Variants in ATP6V1H observed in about 807,000 individuals in gnomAD.
ATP6V1H encodes ATPase H+ transporting V1 subunit H.
ATP6V1H carries 39 observed loss-of-function variants against 71.7 expected under a neutral mutation model. The ratio of observed to expected loss-of-function variants is 0.54; its 90% CI spans 0.42 to 0.71. The LOEUF (loss-of-function observed/expected upper bound fraction) is 0.71, where lower values mean the gene tolerates loss of function less well. ATP6V1H is among the 30% of genes least tolerant of loss of function. ATP6V1H has a pLI of 0.00. For synonymous variants in ATP6V1H, 192 were observed against 199.3 expected (o/e 0.96, Z 0.31); for missense variants, 509 against 594.9 (o/e 0.86, Z 1.50).
Position 53,829,462 on chromosome 8 carries a change from CAT to C in ATP6V1H, c.286_287del (p.Met96GlyfsTer3). ...KEQTVQYILT[M>X]VDDMLQENHQ... is the part of the protein sequence containing the mutation. ...TACCTACCTGCAGCATATCATCCAC[CAT>C]AGTTAGTATATACTGAACGGTCTGT... On this transcript the variant is annotated frameshift_variant, in exon 4 of 14. Transcript: ENST00000359530. LOFTEE classifies it high-confidence loss of function. 6.2e-7 allele frequency: 1 copy of C among 1,604,612 alleles called. No homozygotes were observed. Among genetic ancestry groups the C allele is most frequent in the Non-Finnish European group, 8.5e-7 (1 of 1,175,612 alleles).
chr8:53,761,292 G>A (rs924097864), intron 11 of ATP6V1H, among the ~76,000 whole-genome samples: 23 of 151,072 alleles, frequency 1.5e-4, no homozygotes, highest in South Asian at 4.2e-4. Context: ...AGCCGAGATC[G>A]CGCCACTGCA....
At chr8:53,827,860 G>A (rs983337626) in intron 4 of ATP6V1H, among the ~76,000 whole-genome samples, 1 of 152,098 alleles carries the variant, frequency 6.6e-6, no homozygotes, top group Non-Finnish European at 1.5e-5. Context: ...AAAACATGTG[G>A]TATTTGGTGT....
intron 7 of ATP6V1H, among the ~76,000 whole-genome samples, chr8:53,803,202 T>G (rs1809971531): frequency 1.3e-5 from 2 of 152,044 alleles, no homozygotes; most frequent in South Asian, 4.1e-4. Context: ...CCAGGTGTGG[T>G]GGCGTGCACC....
At chr8:53,790,355 C>G (rs1299630141) in intron 9 of ATP6V1H, among the ~76,000 whole-genome samples, 1 of 152,074 alleles carries the variant, frequency 6.6e-6, no homozygotes, top group African/African-American at 2.4e-5. Flanking sequence ...CTATATGAAC[C>G]CAGTGTTCAC....
intron 12 of ATP6V1H, among the ~76,000 whole-genome samples, chr8:53,751,437 T>C (rs2130227785): frequency 6.6e-6 from 1 of 152,308 alleles, no homozygotes; most frequent in Non-Finnish European, 1.5e-5. Context: ...GTTGAAATAG[T>C]CCAAAGTGCA....
At chr8:53,789,592 A>T (rs1809504201) in intron 9 of ATP6V1H, among the ~76,000 whole-genome samples, 1 of 152,152 alleles carries the variant, frequency 6.6e-6, no homozygotes, top group African/African-American at 2.4e-5. Context: ...CTGAGAGGAA[A>T]AGATATAAGG....
intron 7 of ATP6V1H, among the ~76,000 whole-genome samples, 167 bp downstream of exon 7, chr8:53,810,997 C>T (rs1810256109): frequency 1.3e-5 from 2 of 152,076 alleles, no homozygotes; most frequent in South Asian, 4.1e-4. Context: ...AAGATGATCT[C>T]CACAGACCAT....
chr8:53,721,866 A>G (rs989359974), intron 13 of ATP6V1H, among the ~76,000 whole-genome samples: 1 of 152,254 alleles, frequency 6.6e-6, no homozygotes, highest in African/African-American at 2.4e-5. Context: ...GAATTCAAAG[A>G]CTAATAGATT....
intron 2 of ATP6V1H, chr8:53,839,484 G>T: frequency 1.9e-6 from 1 of 521,888 alleles, no homozygotes; most frequent in Non-Finnish European, 2.5e-6. Flanking sequence ...GAATCCAGAA[G>T]TCATCCAAGA....
intron 3 of ATP6V1H, chr8:53,831,877 G>C (rs1332939374): frequency 6.7e-6 from 1 of 149,220 alleles, no homozygotes; most frequent in African/African-American, 2.5e-5. Flanking sequence ...GGGATTACAA[G>C]TGTGAGCCAC....
intron 11 of ATP6V1H, among the ~76,000 whole-genome samples, chr8:53,765,674 G>A (rs1405452535): frequency 1.3e-5 from 2 of 152,114 alleles, no homozygotes; most frequent in Non-Finnish European, 2.9e-5. Context: ...CAAGTAGAAA[G>A]ACTCTATACT....
chr8:53,821,388 A>G (rs1366209810), intron 4 of ATP6V1H, among the ~76,000 whole-genome samples: 3 of 148,444 alleles, frequency 2.0e-5, no homozygotes, highest in African/African-American at 7.6e-5. Context: ...AAAAAAAAAA[A>G]GAGAGAGAGA....
intron 12 of ATP6V1H, among the ~76,000 whole-genome samples, chr8:53,754,891 C>T (rs773339423): frequency 1.1e-4 from 16 of 152,262 alleles, no homozygotes; most frequent in South Asian, 2.1e-4. Context: ...TTGTCTATGC[C>T]ACCAGCCAGA....
intron 13 of ATP6V1H, among the ~76,000 whole-genome samples, chr8:53,725,710 A>T (rs1024664684): frequency 6.6e-6 from 1 of 151,862 alleles, no homozygotes; most frequent in Non-Finnish European, 1.5e-5. Context: ...GGACCACATA[A>T]TACTATCATC....
chr8:53,740,797 C>T (rs1379898011), intron 13 of ATP6V1H, among the ~76,000 whole-genome samples: 2 of 152,196 alleles, frequency 1.3e-5, no homozygotes, highest in Non-Finnish European at 2.9e-5. Flanking sequence ...CAAAAGATTA[C>T]TTTCCAAATG....
chr8:53,841,539 C>CAT, intron 2 of ATP6V1H, 39 bp downstream of exon 2: 2 of 1,605,718 alleles, frequency 1.2e-6, no homozygotes, highest in Non-Finnish European at 1.7e-6. Flanking sequence ...GATGCAAAAG[C>CAT]ATATGACTGT....
intron 13 of ATP6V1H, among the ~76,000 whole-genome samples, chr8:53,730,913 G>C (rs1195688983): frequency 6.6e-6 from 1 of 151,912 alleles, no homozygotes; most frequent in Non-Finnish European, 1.5e-5. Context: ...TTAGGCTCTG[G>C]ACTCACCGAC....
intron 8 of ATP6V1H, among the ~76,000 whole-genome samples, chr8:53,800,231 T>C (rs1008004931): frequency 4.6e-5 from 7 of 152,210 alleles, no homozygotes; most frequent in Non-Finnish European, 2.9e-5. Flanking sequence ...CCTGTGTCTT[T>C]GTCCCTTATG....
At chr8:53,815,870 G>A (rs550529758) in intron 5 of ATP6V1H, among the ~76,000 whole-genome samples, 1 of 152,334 alleles carries the variant, frequency 6.6e-6, no homozygotes, top group Non-Finnish European at 1.5e-5. Flanking sequence ...ATGGGAGTCT[G>A]CCCCTCAGAA....
Sources: gnomAD v4.1 joint callset for allele counts (sites outside exome capture counted in the v4.1 genomes callset) on GRCh38, gnomAD v4.1.1 for gene constraint, MANE v1.5 for transcripts, NCBI Gene and HGNC (gene_info 2026-07-23, HGNC 2026-07-21) for gene names.